The following RPSA2 variants were observed in gnomAD, a reference collection of about 807,000 sequenced individuals.
RPSA2 encodes ribosomal protein SA 2.
the RPSA2 span, among the ~76,000 whole-genome samples, chr19:23,868,288 T>TTTG: frequency 6.6e-6 from 1 of 152,182 alleles, no homozygotes; most frequent in Non-Finnish European, 1.5e-5. Flanking sequence ...ATCAGAGACA[T>TTTG]GCTACAAGCC....
chr19:23,842,220 T>C, the RPSA2 span, among the ~76,000 whole-genome samples: 1 of 152,212 alleles, frequency 6.6e-6, no homozygotes, highest in African/African-American at 2.4e-5. Context: ...CTGTGACTTC[T>C]CCATGTGAGA....
the RPSA2 span, among the ~76,000 whole-genome samples, chr19:23,844,483 G>A: frequency 6.6e-6 from 1 of 152,036 alleles, no homozygotes; most frequent in African/African-American, 2.4e-5. Context: ...CTATTTGTAT[G>A]TCTTTATTGA....
chr19:23,860,257 G>A, the RPSA2 span, among the ~76,000 whole-genome samples: 1 of 151,952 alleles, frequency 6.6e-6, no homozygotes. Flanking sequence ...ATCTCCACAC[G>A]ACCCTCCCAA....
the RPSA2 span, among the ~76,000 whole-genome samples, chr19:23,864,561 C>T: frequency 7.9e-5 from 12 of 152,108 alleles, no homozygotes; most frequent in African/African-American, 2.9e-4. Flanking sequence ...ATGGTCACCA[C>T]TATCCAGGAC....
At chr19:23,870,819 A>T in the RPSA2 span, among the ~76,000 whole-genome samples, 7 of 152,214 alleles carry the variant, frequency 4.6e-5, no homozygotes, top group Admixed American at 4.6e-4. Flanking sequence ...CAGAAGCCTG[A>T]GGATTGTGAC....
the RPSA2 span, among the ~76,000 whole-genome samples, chr19:23,849,041 T>C: frequency 2.6e-5 from 4 of 152,244 alleles, no homozygotes; most frequent in African/African-American, 9.6e-5. Flanking sequence ...GTATCCAGAT[T>C]CCTTCTTGAG....
the RPSA2 span, among the ~76,000 whole-genome samples, chr19:23,817,119 C>T: frequency 6.6e-6 from 1 of 152,150 alleles, no homozygotes; most frequent in Non-Finnish European, 1.5e-5. Context: ...CAGTGGCTCA[C>T]GCCTGTAATC....
the RPSA2 span, among the ~76,000 whole-genome samples, chr19:23,805,371 T>A: frequency 6.6e-6 from 1 of 151,742 alleles, no homozygotes; most frequent in Non-Finnish European, 1.5e-5. Flanking sequence ...TTCATGTTGG[T>A]CAGGCTGGTC....
At chr19:23,862,018 G>T in the RPSA2 span, among the ~76,000 whole-genome samples, 1 of 152,060 alleles carries the variant, frequency 6.6e-6, no homozygotes, top group African/African-American at 2.4e-5. Flanking sequence ...AGCATGGAAT[G>T]TTCTTCCATT....
chr19:23,832,127 A>G, the RPSA2 span: 2 of 428,806 alleles, frequency 4.7e-6, no homozygotes, highest in Non-Finnish European at 9.4e-6. Context: ...TGTGCTGAAG[A>G]AAAACTTTAC....
At chr19:23,866,608 C>G in the RPSA2 span, among the ~76,000 whole-genome samples, 148,233 of 151,538 alleles carry the variant, frequency 0.98, 72,592 homozygotes, top group Middle Eastern at 1. Flanking sequence ...AATTTCATCA[C>G]AATAGCACCC....
At chr19:23,785,345 C>T in the RPSA2 span, among the ~76,000 whole-genome samples, 2 of 152,074 alleles carry the variant, frequency 1.3e-5, no homozygotes, top group Non-Finnish European at 2.9e-5. Flanking sequence ...CTAGCCCCAA[C>T]ACCTATAAAA....
the RPSA2 span, among the ~76,000 whole-genome samples, chr19:23,856,306 A>G: frequency 6.6e-6 from 1 of 152,112 alleles, no homozygotes; most frequent in African/African-American, 2.4e-5. Flanking sequence ...ACGATCCCAT[A>G]GTTCCACATC....
the RPSA2 span, among the ~76,000 whole-genome samples, chr19:23,792,607 C>T: frequency 2.2e-5 from 3 of 137,506 alleles, no homozygotes; most frequent in African/African-American, 8.2e-5. Context: ...TTTTTTGTGA[C>T]AGAGTCTAGC....
At chr19:23,775,429 A>G in the RPSA2 span, among the ~76,000 whole-genome samples, 3 of 152,300 alleles carry the variant, frequency 2.0e-5, no homozygotes, top group South Asian at 6.2e-4. Flanking sequence ...AGCCACAGGT[A>G]CGATCACGGG....
chr19:23,862,527 C>A, the RPSA2 span, among the ~76,000 whole-genome samples: 3 of 151,744 alleles, frequency 2.0e-5, no homozygotes, highest in Non-Finnish European at 1.5e-5. Flanking sequence ...TCATAGATAG[C>A]TCTTATTATT....
At chr19:23,778,379 A>T in the RPSA2 span, among the ~76,000 whole-genome samples, 17 of 151,932 alleles carry the variant, frequency 1.1e-4, no homozygotes, top group Non-Finnish European at 2.2e-4. Context: ...CGCCCAGCTA[A>T]TTTTTTGTAT....
the RPSA2 span, chr19:23,833,192 A>G: frequency 1.6e-4 from 185 of 1,188,432 alleles, 1 homozygote; most frequent in African/African-American, 2.7e-3. Flanking sequence ...CTAACTAAAC[A>G]TAAGAAAATT....
chr19:23,813,570 C>T, the RPSA2 span, among the ~76,000 whole-genome samples: 5 of 151,678 alleles, frequency 3.3e-5, no homozygotes, highest in Non-Finnish European at 4.4e-5. Context: ...TCCATTGTAT[C>T]AAATATGTCT....
Sources: allele counts gnomAD v4.1 joint callset (sites outside exome capture counted in the v4.1 genomes callset), GRCh38; gene constraint gnomAD v4.1.1; transcripts MANE v1.5; gene names NCBI Gene and HGNC (gene_info 2026-07-23, HGNC 2026-07-21).